The following EXOC2 variants were observed in gnomAD, a reference collection of about 807,000 sequenced individuals.
The protein encoded by EXOC2 is SEC5-like 1.
Under a neutral mutation model 131.8 loss-of-function variants are expected in EXOC2, and 70 were observed. The observed-to-expected ratio is 0.53, with a 90% confidence interval of 0.44 to 0.65. The LOEUF (loss-of-function observed/expected upper bound fraction) is 0.65. Among genes scored for constraint, EXOC2 ranks in the 30% least tolerant of loss-of-function variants. The pLI, the probability that EXOC2 is intolerant of heterozygous loss-of-function variation, is 0.00. For missense variants in EXOC2, 923 were observed against 1,108.6 expected, an observed-to-expected ratio of 0.83 and a Z score of 2.38; for synonymous variants, 411 against 398.4, an observed-to-expected ratio of 1.03 and a Z score of -0.38.
In EXOC2 at chr6:584,261, T is replaced by C. The variant is rs187891112; in HGVS notation, c.1193-7379A>G. ...AAGTCTACCTGACCCTGCATTATGG[T>C]AATACCAGAATTATATGTAATATTA... On this transcript the variant is annotated intron_variant, in intron 11 of 27. Coordinates refer to ENST00000230449, the MANE Select transcript of EXOC2 (RefSeq NM_018303.6). Among the ~76,000 whole-genome samples, 324 of 152,346 alleles carry C rather than the reference T, an allele frequency of 2.1e-3. 1 individual carries two copies. The Middle Eastern group carries it at 0.034, about 16-fold the overall frequency.
At chr6:690,284 C>T (rs1193437171) in intron 1 of EXOC2, among the ~76,000 whole-genome samples, 5 of 151,846 alleles carry the variant, frequency 3.3e-5, no homozygotes, top group African/African-American at 4.8e-5. Context: ...GGAATCATGG[C>T]GCTCAAGGCT....
intron 7 of EXOC2, among the ~76,000 whole-genome samples, chr6:606,052 T>C (rs964954615): frequency 6.6e-6 from 1 of 152,176 alleles, no homozygotes; most frequent in African/African-American, 2.4e-5. Flanking sequence ...ATTAAGAAAA[T>C]GTGGCACATA....
intron 7 of EXOC2, among the ~76,000 whole-genome samples, chr6:604,529 G>C (rs1472997633): frequency 6.6e-6 from 1 of 152,106 alleles, no homozygotes; most frequent in Non-Finnish European, 1.5e-5. Context: ...CTATCGTTCT[G>C]TTAAACTTCT....
At chr6:605,534 G>T (rs531634866) in intron 7 of EXOC2, among the ~76,000 whole-genome samples, 3 of 152,064 alleles carry the variant, frequency 2.0e-5, no homozygotes, top group Non-Finnish European at 4.4e-5. Flanking sequence ...TATTTCTGTG[G>T]GATCGGTGGT....
intron 22 of EXOC2, among the ~76,000 whole-genome samples, chr6:537,394 A>G: frequency 6.6e-6 from 1 of 151,086 alleles, no homozygotes; most frequent in African/African-American, 2.4e-5. Flanking sequence ...CGGAGCGTAC[A>G]CTCGAGTTCA....
intron 4 of EXOC2, among the ~76,000 whole-genome samples, chr6:621,429 G>A (rs1761286324): frequency 6.6e-6 from 1 of 152,208 alleles, no homozygotes; most frequent in Non-Finnish European, 1.5e-5. Context: ...CAGATCTCGA[G>A]GAGTTCCTCT....
intron 1 of EXOC2, among the ~76,000 whole-genome samples, chr6:671,378 C>T (rs747411323): frequency 6.6e-6 from 1 of 151,116 alleles, no homozygotes; most frequent in Non-Finnish European, 1.5e-5. Context: ...AAAAGAAAAA[C>T]TATTTGTTTT....
Position 619,462 on chromosome 6 carries a change from G to T in EXOC2, c.504C>A (p.Ala168=), listed in dbSNP as rs781487568. The part of the protein sequence containing the change: ...ADFTSENFSA[A]WYLIENHSNT... ...TTGAGTGATTCTCTATAAGATACCA[G>T]GCTGCTGAGAAATTCTCACTTGTAA... is the stretch of plus-strand genomic sequence containing the variant. The change falls in exon 5 of 28, where the codon GCC becomes GCA. Residue 168 remains alanine, a synonymous_variant. Transcript: ENST00000230449. 2.5e-6 allele frequency: 4 copies of T among 1,613,884 alleles called. No individual in the cohort carries two copies. The South Asian group carries it at 4.4e-5, about 18-fold the overall frequency.
In EXOC2 at chr6:556,554, A is replaced by G. The variant is rs1240893709; in HGVS notation, c.1862T>C (p.Phe621Ser). ...NEGLTSLPCQFEQCIVCSLQS... is the reference protein window; with the variant it reads ...NEGLTSLPCQSEQCIVCSLQS... ...CAGAGAACACACGATGCACTGTTCA[A>G]ACTGACATGGCTGAAGGGAAAACAG... Residue 621 changes from phenylalanine (F) to serine (S), a missense_variant, in exon 18 of 28, where the codon TTT (phenylalanine) becomes TCT (serine). Phe to Ser is a radical substitution (Grantham distance 155). Coordinates refer to ENST00000230449, the MANE Select transcript of EXOC2 (RefSeq NM_018303.6). 2 of 1,614,182 alleles carry G rather than the reference A, an allele frequency of 1.2e-6. No homozygotes were observed. Among genetic ancestry groups the G allele is most frequent in the Non-Finnish European group, 1.7e-6 (2 of 1,180,026 alleles).
At chr6:581,541 G>A (rs570082040) in intron 11 of EXOC2, among the ~76,000 whole-genome samples, 1 of 152,212 alleles carries the variant, frequency 6.6e-6, no homozygotes, top group African/African-American at 2.4e-5. Context: ...AATCATCACC[G>A]TAGTATTTCT....
intron 20 of EXOC2, among the ~76,000 whole-genome samples, 197 bp downstream of exon 20, chr6:555,030 C>G (rs78027662): frequency 0.018 from 2,777 of 152,092 alleles, 55 homozygotes; most frequent in African/African-American, 0.048. Context: ...TGATTTGTCT[C>G]TAATAAGGCA....
intron 1 of EXOC2, among the ~76,000 whole-genome samples, chr6:662,824 A>T (rs1763479167): frequency 6.6e-6 from 1 of 152,160 alleles, no homozygotes; most frequent in East Asian, 1.9e-4. Context: ...AGCAGAATTA[A>T]ATGAAATTGA....
intron 1 of EXOC2, chr6:657,307 TG>T (rs1763178663): frequency 5.4e-6 from 1 of 184,652 alleles, no homozygotes. Context: ...TTAATCTCTT[TG>T]GTATATACAC....
rs148103576 is a variant in EXOC2, at chr6:490,683, C to T, written c.2621+442G>A. Among the ~76,000 whole-genome samples the T allele has an allele frequency of 2.1e-4, 32 of 152,302 alleles. No individual in the cohort carries two copies. In the East Asian group the frequency reaches 5.8e-3, roughly 28 times the overall value. ...AATTTTGCACAGACAAACAGTAGTT[C>T]TGCTTCACTTCACCTACTGATATTT... On this transcript the variant is annotated intron_variant, in intron 26 of 27. Transcript: ENST00000230449.
At chr6:486,795 C>T (rs371239316) in intron 27 of EXOC2, 31 bp from the exon 28 acceptor site, 96 of 1,578,884 alleles carry the variant, frequency 6.1e-5, no homozygotes, top group East Asian at 3.4e-4. Flanking sequence ...TTTTACAGCC[C>T]GACAGATGGG....
intron 2 of EXOC2, among the ~76,000 whole-genome samples, chr6:635,844 C>T (rs769097660): frequency 5.9e-5 from 9 of 152,250 alleles, no homozygotes; most frequent in African/African-American, 9.6e-5. Context: ...AGGCGGATCA[C>T]GAGGTCAAGA....
rs1446651516 is a variant in EXOC2 at position 598,085 on chromosome 6, C to T, written c.1009G>A (p.Glu337Lys). Residue 337 changes from glutamate to lysine, a missense_variant, in exon 10 of 28, where the codon GAA becomes AAA. Glu to Lys is a moderately conservative substitution (Grantham distance 56, BLOSUM62 1). Coordinates refer to ENST00000230449, the MANE Select transcript of EXOC2 (RefSeq NM_018303.6). Reference protein sequence around the residue: ...EVETRIEALRELLLDKLLETP... With the variant: ...EVETRIEALRKLLLDKLLETP... The stretch of plus-strand genomic sequence containing the variant: ...TCAAGCAATTTATCCAGAAGTAATT[C>T]TCTTAAAGCTTCAATCCTTGTTTCT... 35 of 1,613,488 alleles carry T rather than the reference C, an allele frequency of 2.2e-5. No homozygotes were observed. The highest frequency in any genetic ancestry group is 3.3e-5 in the Admixed American group (2 of 59,986).
intron 7 of EXOC2, 132 bp downstream of exon 7, chr6:609,966 A>G (rs1554137200): frequency 1.5e-6 from 1 of 649,584 alleles, no homozygotes; most frequent in Non-Finnish European, 2.7e-6. Context: ...TGTGTTCATT[A>G]AATCACTACT....
rs1012768695 is a variant in EXOC2 at position 486,610 on chromosome 6, T to A, written c.*61A>T. 1.1e-5 allele frequency: 15 copies of A among 1,423,860 alleles called. No homozygotes were observed. The highest frequency in any genetic ancestry group is 1.4e-5 in the Non-Finnish European group (14 of 1,009,626). The allele number at this position is 1,423,860 out of a possible 1,614,324, so 88.2% of individuals were successfully genotyped here. ...AATACACCAAATACCTTTAGGGTAC[T>A]TAGAGAGTGAACAGTCTTATTACGT... On this transcript the variant is annotated 3_prime_UTR_variant, in exon 28 of 28. Coordinates refer to ENST00000230449, the MANE Select transcript of EXOC2 (RefSeq NM_018303.6).
Sources: gnomAD v4.1 joint callset for allele counts (sites outside exome capture counted in the v4.1 genomes callset) on GRCh38, gnomAD v4.1.1 for gene constraint, MANE v1.5 for transcripts, NCBI Gene and HGNC (gene_info 2026-07-23, HGNC 2026-07-21) for gene names.